DNAJB14: variants seen among roughly 807,000 people sequenced by gnomAD.
The protein encoded by DNAJB14 is DnaJ heat shock protein family (Hsp40) member B14.
In DNAJB14, 22 loss-of-function variants were observed where a neutral mutation model predicts 48.4. The ratio of observed to expected loss-of-function variants is 0.45; its 90% CI spans 0.32 to 0.65. The LOEUF is 0.65. Ranked by LOEUF, DNAJB14 falls within the 30% of genes least tolerant of loss-of-function variation. The pLI is 0.03. For missense variants in DNAJB14, 319 were observed against 458.8 expected (o/e 0.70, Z 2.78); for synonymous variants, 142 against 158.7 (o/e 0.89, Z 0.79).
chr4:99,903,949 G>A, intron 6 of DNAJB14, 51 bp from the exon 7 acceptor site: 1 of 1,543,716 alleles, frequency 6.5e-7, no homozygotes, highest in Non-Finnish European at 8.8e-7. Context: ...ATTCCAATAT[G>A]CTGCTATAAA....
In DNAJB14 at chr4:99,903,839, T is replaced by C; in HGVS notation, c.902A>G (p.Asn301Ser). 1 of 1,613,054 alleles carries C rather than the reference T, an allele frequency of 6.2e-7. No individual in the cohort carries two copies. Among genetic ancestry groups the C allele is most frequent in the South Asian group, 1.1e-5 (1 of 91,022 alleles). ...TENLGVVYYV[N>S]KDFKNEYKGM... ...TTTATATTCATTTTTGAAGTCCTTGTTGACATAATAAACAACACCCAAGTT... is the reference window on the plus strand; with the variant it reads ...TTTATATTCATTTTTGAAGTCCTTGCTGACATAATAAACAACACCCAAGTT... Residue 301 changes from asparagine to serine, a missense_variant, in exon 7 of 8, where the codon AAC becomes AGC. By Grantham distance (46) the Asn-to-Ser change is conservative. Coordinates refer to ENST00000442697, the MANE Select transcript of DNAJB14 (RefSeq NM_001031723.4).
At chr4:99,941,021 T>C (rs1025630322) in intron 1 of DNAJB14, among the ~76,000 whole-genome samples, 7 of 151,946 alleles carry the variant, frequency 4.6e-5, no homozygotes, top group African/African-American at 1.7e-4. Flanking sequence ...ATAGAAGGCC[T>C]TATGGCTATA....
At chr4:99,931,561 A>T (rs951802409) in intron 1 of DNAJB14, among the ~76,000 whole-genome samples, 2 of 152,108 alleles carry the variant, frequency 1.3e-5, no homozygotes, top group Non-Finnish European at 2.9e-5. Context: ...AGTAACTGAT[A>T]TAAGGTAAAT....
Position 99,897,201 on chromosome 4 carries a change from A to AAAAATAT in DNAJB14, c.*3826_*3827insATATTTT, listed in dbSNP as rs1553944897. ...TAATTAGCTGGGAAAAAAAAAAAAA[A>AAAAATAT]ATATATATATATATATATACACCTA... On this transcript the variant is annotated 3_prime_UTR_variant, in exon 8 of 8. Transcript: ENST00000442697. The AAAAATAT allele has an allele frequency of 7.5e-6, 1 of 133,848 alleles. No individual in the cohort carries two copies. The highest frequency in any genetic ancestry group is 2.8e-5 in the African/African-American group (1 of 35,294). 8.3% of individuals were successfully genotyped at this position (133,848 alleles called of 1,614,324 possible). A position where few individuals can be genotyped will look rare whatever the true frequency, so the allele number is the denominator to read the frequency against.
intron 7 of DNAJB14, among the ~76,000 whole-genome samples, chr4:99,903,310 C>T (rs1725356212): frequency 6.6e-6 from 1 of 151,910 alleles, no homozygotes; most frequent in African/African-American, 2.4e-5. Flanking sequence ...ACTCATTGTA[C>T]ATTAAATTCT....
intron 1 of DNAJB14, among the ~76,000 whole-genome samples, chr4:99,944,354 A>G (rs1025462256): frequency 6.6e-6 from 1 of 152,202 alleles, no homozygotes; most frequent in Admixed American, 6.5e-5. Context: ...CAAAAATTAA[A>G]AATAGAATTA....
At chr4:99,926,263 T>A (rs1726249833) in intron 2 of DNAJB14, 3 of 152,166 alleles carry the variant, frequency 2.0e-5, no homozygotes, top group Admixed American at 2.0e-4. Context: ...ACAGATTCTT[T>A]GAAGGCAGGG....
intron 3 of DNAJB14, among the ~76,000 whole-genome samples, chr4:99,910,806 G>C (rs1349304400): frequency 6.6e-6 from 1 of 151,642 alleles, no homozygotes; most frequent in Non-Finnish European, 1.5e-5. Context: ...CTACCTCATT[G>C]TCACTTATTT....
At chr4:99,938,312 T>A (rs921536000) in intron 1 of DNAJB14, among the ~76,000 whole-genome samples, 1 of 147,482 alleles carries the variant, frequency 6.8e-6, no homozygotes, top group African/African-American at 2.5e-5. Flanking sequence ...TAAAACATCA[T>A]GGCCACATAA....
rs947234982 is a variant in DNAJB14 at position 99,933,890 on chromosome 4, A to T, written c.134-3269T>A. 9.2e-5 allele frequency among the ~76,000 whole-genome samples: 14 copies of T among 151,956 alleles called. No homozygotes were observed. The East Asian group carries it at 2.5e-3, about 27-fold the overall frequency. On this transcript the variant is annotated intron_variant, in intron 1 of 7. Coordinates refer to ENST00000442697, the MANE Select transcript of DNAJB14 (RefSeq NM_001031723.4). ...GGGCATTTGCCAGCCCACAGAACAT[A>T]AAAAAAAATTAAAAATAAAAATAAC...
At chr4:99,937,963 A>C (rs931710635) in intron 1 of DNAJB14, among the ~76,000 whole-genome samples, 1 of 150,442 alleles carries the variant, frequency 6.6e-6, no homozygotes, top group African/African-American at 2.4e-5. Flanking sequence ...AATTCTATAA[A>C]CTCACTGGCC....
chr4:99,906,668 C>T (rs551220019), intron 4 of DNAJB14, 57 bp from the exon 5 acceptor site: 169 of 1,362,492 alleles, frequency 1.2e-4, no homozygotes, highest in Non-Finnish European at 1.6e-4. Context: ...AGAAAAAATA[C>T]ATTTTCTTTC....
At chr4:99,909,835 C>T (rs1725598222) in intron 3 of DNAJB14, among the ~76,000 whole-genome samples, 1 of 151,834 alleles carries the variant, frequency 6.6e-6, no homozygotes, top group East Asian at 1.9e-4. Context: ...TGAAACTAAT[C>T]CAGAAAATTG....
intron 2 of DNAJB14, chr4:99,924,837 A>AT: frequency 6.5e-7 from 1 of 1,530,300 alleles, no homozygotes; most frequent in Non-Finnish European, 9.0e-7. Context: ...AAGTTATTCT[A>AT]TAACTAATTT....
chr4:99,940,777 C>T (rs1726862594), intron 1 of DNAJB14, among the ~76,000 whole-genome samples: 1 of 149,170 alleles, frequency 6.7e-6, no homozygotes, highest in Admixed American at 6.8e-5. Flanking sequence ...GCTTAATTTT[C>T]TTCAATTGTT....
At chr4:99,920,354 T>G (rs936336871) in intron 3 of DNAJB14, among the ~76,000 whole-genome samples, 5 of 152,192 alleles carry the variant, frequency 3.3e-5, no homozygotes, top group East Asian at 1.9e-4. Context: ...TAGATGTTCA[T>G]ATTGAACTAC....
chr4:99,936,600 G>A (rs1369953677), intron 1 of DNAJB14, among the ~76,000 whole-genome samples: 1 of 152,142 alleles, frequency 6.6e-6, no homozygotes, highest in Non-Finnish European at 1.5e-5. Flanking sequence ...CCAGTAAAAG[G>A]AGTCAGGACT....
intron 2 of DNAJB14, chr4:99,924,697 A>G: frequency 6.2e-7 from 1 of 1,600,230 alleles, no homozygotes; most frequent in Non-Finnish European, 8.5e-7. Context: ...TCATTCTCCT[A>G]GAAATGTTTA....
At chr4:99,905,764 C>A in intron 5 of DNAJB14, 58 bp from the exon 6 acceptor site, 1 of 1,528,152 alleles carries the variant, frequency 6.5e-7, no homozygotes, top group South Asian at 1.1e-5. Flanking sequence ...GTTAATAATA[C>A]AACAGTTGTC....
Sources: allele counts gnomAD v4.1 joint callset (sites outside exome capture counted in the v4.1 genomes callset), GRCh38; gene constraint gnomAD v4.1.1; transcripts MANE v1.5; gene names NCBI Gene and HGNC (gene_info 2026-07-23, HGNC 2026-07-21).